The following KANK1 variants were observed in gnomAD, a reference collection of about 807,000 sequenced individuals.
KANK1 encodes KN motif and ankyrin repeat domain-containing protein 1.
KANK1 carries 109 observed loss-of-function variants against 106.2 expected under a neutral mutation model. The ratio of observed to expected loss-of-function variants is 1.03; its 90% confidence interval spans 0.88 to 1.20. KANK1 has a LOEUF of 1.20. KANK1 is among the 50% of genes most tolerant of loss of function. KANK1 has a pLI of 0.00. For synonymous variants in KANK1, 873 were observed against 652.2 expected, an observed-to-expected ratio of 1.34 and a Z score of -5.16; for missense variants, 2,399 against 1,710.7, an observed-to-expected ratio of 1.40 and a Z score of -7.10.
rs527328307 is a variant in KANK1 at position 495,198 on chromosome 9, T to C, written c.-362+21925T>C. ...AGAAGGTCCTCCTGCACTAAAGTCA[T>C]TGTCCCCAGACTATGAGTTTCTGCC... On this transcript the variant is annotated intron_variant, in intron 3 of 15. Transcript: ENST00000382303. The C allele has an allele frequency of 3.3e-5, 5 of 152,370 alleles. No individual in the cohort carries two copies. The East Asian group carries it at 7.7e-4, about 23-fold the overall frequency. The allele number at this position is 152,370 out of a possible 1,614,324, so 9.4% of individuals were successfully genotyped here.
chr9:743,780 T>G (rs1836388803), intron 10 of KANK1, among the ~76,000 whole-genome samples: 1 of 152,180 alleles, frequency 6.6e-6, no homozygotes, highest in Non-Finnish European at 1.5e-5. Context: ...GAGAATCACT[T>G]GAGCCCTGGA....
intron 1 of KANK1, among the ~76,000 whole-genome samples, chr9:588,282 T>G (rs1824003453): frequency 6.6e-6 from 1 of 152,200 alleles, no homozygotes; most frequent in Non-Finnish European, 1.5e-5. Context: ...AATGTAATGG[T>G]TTCTCTATCC....
At chr9:641,595 C>T (rs1838444188) in intron 1 of KANK1, among the ~76,000 whole-genome samples, 1 of 152,166 alleles carries the variant, frequency 6.6e-6, no homozygotes, top group Non-Finnish European at 1.5e-5. Context: ...ACAGAGGCAT[C>T]CTCAAATCCT....
At chr9:529,581 G>A (rs887435297) in intron 1 of KANK1, among the ~76,000 whole-genome samples, 1 of 152,122 alleles carries the variant, frequency 6.6e-6, no homozygotes, top group African/African-American at 2.4e-5. Context: ...TTCATATATT[G>A]TTATGCATCT....
intron 1 of KANK1, among the ~76,000 whole-genome samples, chr9:657,744 C>G (rs1019160311): frequency 3.3e-5 from 5 of 152,132 alleles, no homozygotes; most frequent in African/African-American, 1.2e-4. Flanking sequence ...GAGCTTTTAT[C>G]AGGCAGCAAA....
At chr9:622,302 G>C (rs528682551) in intron 1 of KANK1, among the ~76,000 whole-genome samples, 3 of 152,232 alleles carry the variant, frequency 2.0e-5, no homozygotes, top group South Asian at 2.1e-4. Flanking sequence ...GCTGTGTGTT[G>C]GGGCACTGCT....
chr9:635,694 C>CTTTTTTTTTTTTTTTTTT (rs1162836319), intron 1 of KANK1, among the ~76,000 whole-genome samples: 1 of 103,374 alleles, frequency 9.7e-6, no homozygotes. Context: ...CCTTTTTATT[C>CTTTTTTTTTTTTTTTTTT]TTTTTTTTTT....
At chr9:593,913 C>G (rs1825604059) in intron 1 of KANK1, among the ~76,000 whole-genome samples, 1 of 151,928 alleles carries the variant, frequency 6.6e-6, no homozygotes, top group South Asian at 2.1e-4. Context: ...CTTATTTCTG[C>G]TTCCCTCCCC....
At chr9:690,148 A>AAAAAAAAAC (rs1819552068) in intron 2 of KANK1, among the ~76,000 whole-genome samples, 1 of 149,156 alleles carries the variant, frequency 6.7e-6, no homozygotes, top group Non-Finnish European at 1.5e-5. Flanking sequence ...AAAAAAAAAA[A>AAAAAAAAAC]AAAAAAAACT....
chr9:637,074 A>G (rs1837319861), intron 1 of KANK1, among the ~76,000 whole-genome samples: 1 of 151,990 alleles, frequency 6.6e-6, no homozygotes, highest in Admixed American at 6.5e-5. Flanking sequence ...CCATTTTTTG[A>G]CAGTTTCTAC....
chr9:690,762 A>G (rs1258596785), intron 2 of KANK1, among the ~76,000 whole-genome samples: 5 of 152,202 alleles, frequency 3.3e-5, no homozygotes, highest in Admixed American at 3.3e-4. Context: ...TGTTAAGTGT[A>G]AGAACTGAAG....
At chr9:717,145 C>G (rs1460581872) in intron 3 of KANK1, among the ~76,000 whole-genome samples, 1 of 151,788 alleles carries the variant, frequency 6.6e-6, no homozygotes, top group Non-Finnish European at 1.5e-5. Context: ...ATTTGCCAGG[C>G]GTGATGGCAG....
At chr9:630,699 T>G (rs963689111) in intron 1 of KANK1, among the ~76,000 whole-genome samples, 1 of 151,556 alleles carries the variant, frequency 6.6e-6, no homozygotes, top group Non-Finnish European at 1.5e-5. Context: ...GTCAGGAGTT[T>G]GAGACCAGCC....
intron 5 of KANK1, chr9:731,525 C>T (rs924778446): frequency 3.5e-6 from 1 of 288,358 alleles, no homozygotes; most frequent in African/African-American, 2.2e-5. Flanking sequence ...AAGAAATAGT[C>T]TTCAGCGAAC....
chr9:650,715 C>T (rs768372653), intron 1 of KANK1, among the ~76,000 whole-genome samples: 5 of 152,044 alleles, frequency 3.3e-5, no homozygotes, highest in Non-Finnish European at 5.9e-5. Flanking sequence ...ACTTGTAAAG[C>T]TTAAGTATTG....
intron 3 of KANK1, among the ~76,000 whole-genome samples, chr9:727,482 AATTTTTGT>A (rs1381170832): frequency 6.6e-6 from 1 of 151,818 alleles, no homozygotes; most frequent in Non-Finnish European, 1.5e-5. Context: ...ATGCCCAGCT[AATTTTTGT>A]ATTTTTGTAG....
At chr9:669,130 AT>A (rs1048682958) in intron 1 of KANK1, among the ~76,000 whole-genome samples, 1 of 152,136 alleles carries the variant, frequency 6.6e-6, no homozygotes, top group African/African-American at 2.4e-5. Flanking sequence ...GTGGGCCTGA[AT>A]TTACGTATTT....
intron 1 of KANK1, among the ~76,000 whole-genome samples, chr9:641,864 C>T (rs1172680933): frequency 6.6e-6 from 1 of 152,054 alleles, no homozygotes; most frequent in East Asian, 1.9e-4. Context: ...TTAAAGTATA[C>T]GATGCAATGG....
rs1349199518 is a variant in KANK1, at chr9:732,440, A to G, written c.3068A>G (p.Asp1023Gly). 2.3e-5 allele frequency: 37 copies of G among 1,614,030 alleles called. No homozygotes were observed. In the Admixed American group the frequency reaches 2.3e-4, roughly 10 times the overall value. ...GAAAGCTCTTCTTCCGAGTCAGATG[A>G]CGAGTGTGATGTCATTGAGTATCCT... Reference protein sequence around the residue: ...SDESSSSESDDECDVIEYPLE... With the variant: ...SDESSSSESDGECDVIEYPLE... Residue 1023 changes from aspartate to glycine, a missense_variant, in exon 6 of 12, where the codon GAC (aspartate) becomes GGC (glycine). By Grantham distance (94) the Asp-to-Gly change is moderately conservative (BLOSUM62 -1). Coordinates refer to ENST00000382297, the MANE Select transcript of KANK1 (RefSeq NM_015158.5).
Sources: gnomAD v4.1 joint callset for allele counts (sites outside exome capture counted in the v4.1 genomes callset) on GRCh38, gnomAD v4.1.1 for gene constraint, MANE v1.5 for transcripts, NCBI Gene and HGNC (gene_info 2026-07-23, HGNC 2026-07-21) for gene names.